Variants in ATP2B2 observed in about 807,000 individuals in gnomAD.
ATP2B2 encodes the protein ATPase plasma membrane Ca2+ transporting 2.
In ATP2B2, 15 loss-of-function variants were observed where a neutral mutation model predicts 120.0. The ratio of observed to expected loss-of-function variants is 0.12; its 90% CI spans 0.08 to 0.19. ATP2B2 has a LOEUF of 0.19. Ranked by LOEUF, ATP2B2 falls within the 10% of genes least tolerant of loss-of-function variation. The pLI, the probability that ATP2B2 is intolerant of heterozygous loss-of-function variation, is 1.00. For synonymous variants in ATP2B2, 694 were observed against 700.3 expected, an observed-to-expected ratio of 0.99 and a Z score of 0.14; for missense variants, 1,045 against 1,719.8, an observed-to-expected ratio of 0.61 and a Z score of 6.94.
Position 10,356,134 on chromosome 3 carries a change from C to A in ATP2B2, c.2136+2557G>T, listed in dbSNP as rs1415285831. Among the ~76,000 whole-genome samples the A allele has an allele frequency of 1.2e-4, 12 of 98,284 alleles. 1 individual carries two copies. Among genetic ancestry groups the A allele is most frequent in the Non-Finnish European group, 1.1e-4 (5 of 47,602 alleles). The allele number at this position is 98,284 out of a possible 152,430, so 64.5% of individuals were successfully genotyped here. A position where few individuals can be genotyped will look rare whatever the true frequency, so the allele number is the denominator to read the frequency against. Reference sequence around the variant, plus strand: ...AAAAAAAAAAAAAAGAACTACTTGTCCTTTCCTTTGTGCGTGTGTGCGTGT... The same window carrying A: ...AAAAAAAAAAAAAAGAACTACTTGTACTTTCCTTTGTGCGTGTGTGCGTGT... On this transcript the variant is annotated intron_variant, in intron 14 of 22. Coordinates refer to ENST00000360273, the MANE Select transcript of ATP2B2 (RefSeq NM_001001331.4).
At chr3:10,705,620 G>T (rs916209818) in intron 1 of ATP2B2, among the ~76,000 whole-genome samples, 1 of 152,254 alleles carries the variant, frequency 6.6e-6, no homozygotes, top group Admixed American at 6.5e-5. Flanking sequence ...CAGCAGGTCA[G>T]TAGCAGAGGT....
At chr3:10,677,130 A>G (rs895695948) in intron 1 of ATP2B2, among the ~76,000 whole-genome samples, 8 of 152,244 alleles carry the variant, frequency 5.3e-5, no homozygotes, top group Non-Finnish European at 4.4e-5. Context: ...TAGCAGCTCT[A>G]TTAATAATTG....
chr3:10,546,563 T>C (rs1389972821), intron 2 of ATP2B2, among the ~76,000 whole-genome samples: 2 of 152,216 alleles, frequency 1.3e-5, no homozygotes, highest in Non-Finnish European at 2.9e-5. Context: ...GGCTGCACCT[T>C]GGACAGCTCC....
chr3:10,485,778 C>T (rs1166635919), intron 1 of ATP2B2, among the ~76,000 whole-genome samples: 7 of 151,952 alleles, frequency 4.6e-5, no homozygotes, highest in African/African-American at 4.8e-5. Context: ...CCTGCCTTCC[C>T]GGCTCAGGTT....
chr3:10,678,949 T>C (rs2071313631), intron 1 of ATP2B2, among the ~76,000 whole-genome samples: 2 of 152,316 alleles, frequency 1.3e-5, no homozygotes, highest in African/African-American at 4.8e-5. Flanking sequence ...CAGTTGACTT[T>C]AAGCCAAATG....
chr3:10,546,647 T>A (rs1428593991), intron 2 of ATP2B2, among the ~76,000 whole-genome samples: 2 of 152,194 alleles, frequency 1.3e-5, no homozygotes, highest in African/African-American at 4.8e-5. Flanking sequence ...CCTCTTCTTC[T>A]CAGAGCTATA....
chr3:10,336,655 T>C (rs1232800687), intron 22 of ATP2B2, among the ~76,000 whole-genome samples: 1 of 151,810 alleles, frequency 6.6e-6, no homozygotes, highest in Non-Finnish European at 1.5e-5. Context: ...AGGTAGAGGG[T>C]GTGGTGGGGG....
intron 1 of ATP2B2, among the ~76,000 whole-genome samples, chr3:10,651,128 TG>T (rs1401227495): frequency 6.6e-6 from 1 of 152,224 alleles, no homozygotes; most frequent in African/African-American, 2.4e-5. Flanking sequence ...TGCCTTGTCT[TG>T]GATGAGACTT....
chr3:10,680,925 G>A (rs990244683), intron 1 of ATP2B2, among the ~76,000 whole-genome samples: 5 of 152,116 alleles, frequency 3.3e-5, no homozygotes, highest in Admixed American at 6.5e-5. Flanking sequence ...GAATGGTGGC[G>A]GCAGATTTCT....
intron 2 of ATP2B2, among the ~76,000 whole-genome samples, chr3:10,423,974 AC>A (rs909008305): frequency 6.6e-6 from 1 of 151,726 alleles, no homozygotes; most frequent in Non-Finnish European, 1.5e-5. Flanking sequence ...CTCAAATGTT[AC>A]CCCCCGCAGT....
chr3:10,630,009 C>G (rs1341573635), intron 1 of ATP2B2, among the ~76,000 whole-genome samples: 1 of 152,210 alleles, frequency 6.6e-6, no homozygotes, highest in African/African-American at 2.4e-5. Context: ...TCCTCGGGGA[C>G]AGACTGACCT....
intron 1 of ATP2B2, among the ~76,000 whole-genome samples, chr3:10,479,055 C>T (rs9876676): frequency 0.44 from 66,533 of 151,918 alleles, 15,861 homozygotes; most frequent in East Asian, 0.99. Context: ...CTGAGGCCTC[C>T]CCAGCCAAGA....
At chr3:10,703,935 A>C (rs960083896) in intron 1 of ATP2B2, among the ~76,000 whole-genome samples, 1 of 152,196 alleles carries the variant, frequency 6.6e-6, no homozygotes, top group Admixed American at 6.5e-5. Flanking sequence ...TACTAGGAAC[A>C]GCCACTGTGT....
chr3:10,690,470 AT>A (rs1324658493), intron 1 of ATP2B2, among the ~76,000 whole-genome samples: 1 of 152,108 alleles, frequency 6.6e-6, no homozygotes, highest in Non-Finnish European at 1.5e-5. Context: ...CTATCTATCT[AT>A]CTATCTATAT....
intron 3 of ATP2B2, among the ~76,000 whole-genome samples, chr3:10,403,689 C>T (rs1033936902): frequency 3.9e-5 from 6 of 152,200 alleles, no homozygotes; most frequent in East Asian, 3.9e-4. Context: ...TTCCCCTCCA[C>T]GGGGGCCAGG....
At chr3:10,480,239 C>T (rs1376731513) in intron 1 of ATP2B2, among the ~76,000 whole-genome samples, 1 of 152,216 alleles carries the variant, frequency 6.6e-6, no homozygotes, top group Non-Finnish European at 1.5e-5. Flanking sequence ...GGCCCTCTCT[C>T]AGAATCAGTT....
chr3:10,472,569 C>T (rs1040899684), intron 1 of ATP2B2, among the ~76,000 whole-genome samples: 15 of 152,308 alleles, frequency 9.8e-5, no homozygotes, highest in African/African-American at 3.1e-4. Flanking sequence ...CTCTTGTTCA[C>T]GGGCCAGTGG....
intron 8 of ATP2B2, 109 bp from the exon 9 acceptor site, chr3:10,379,393 C>G (rs919876302): frequency 8.0e-7 from 1 of 1,244,016 alleles, no homozygotes; most frequent in African/African-American, 1.5e-5. Context: ...AAGGGCGGGC[C>G]GTGCTGACTG....
At chr3:10,377,951 G>C (rs1434171763) in intron 10 of ATP2B2, among the ~76,000 whole-genome samples, 1 of 152,224 alleles carries the variant, frequency 6.6e-6, no homozygotes. Context: ...GGATACAGAG[G>C]CTCAGAGCTA....
Sources: allele counts gnomAD v4.1 joint callset (sites outside exome capture counted in the v4.1 genomes callset), GRCh38; gene constraint gnomAD v4.1.1; transcripts MANE v1.5; gene names NCBI Gene and HGNC (gene_info 2026-07-23, HGNC 2026-07-21).